RPS9: variants seen among roughly 807,000 people sequenced by gnomAD.
RPS9 encodes the protein small ribosomal subunit protein uS4.
In RPS9, 1 loss-of-function variant was observed where a neutral mutation model predicts 16.9. The ratio of observed to expected loss-of-function variants is 0.06; its 90% CI spans 0.02 to 0.28. The LOEUF (loss-of-function observed/expected upper bound fraction) is 0.28. Among genes scored for constraint, RPS9 ranks in the 10% least tolerant of loss-of-function variants. The pLI, the probability that RPS9 is intolerant of heterozygous loss-of-function variation, is 1.00. For synonymous variants in RPS9, 106 were observed against 110.9 expected (o/e 0.96, Z 0.28); for missense variants, 137 against 273.2 (o/e 0.50, Z 3.51).
rs1385939319 is a variant in RPS9 at position 54,207,475 on chromosome 19, G to A, written c.485G>A (p.Arg162His). The A allele has an allele frequency of 6.2e-6, 10 of 1,613,580 alleles. No homozygotes were observed. Among genetic ancestry groups the A allele is most frequent in the Non-Finnish European group, 8.5e-6 (10 of 1,180,016 alleles). ...CAGAAGCACATCGACTTCTCTCTGCGCTCTCCCTACGGGGGTGGCCGCCCG... is the reference window on the plus strand; with the variant it reads ...CAGAAGCACATCGACTTCTCTCTGCACTCTCCCTACGGGGGTGGCCGCCCG... ...DSQKHIDFSL[R>H]SPYGGGRPGR... Residue 162 changes from arginine (R) to histidine (H), a missense_variant, in exon 5 of 5, where the codon CGC becomes CAC. Physicochemically the swap from Arg to His is conservative, Grantham distance 29 (BLOSUM62 0). This residue lies in a region of RPS9 where 54 missense variants were observed against 90.9 expected (regional missense o/e 0.59). Transcript: ENST00000302907.
chr19:54,205,417 G>A (rs1220481939), intron 3 of RPS9, among the ~76,000 whole-genome samples: 2 of 151,302 alleles, frequency 1.3e-5, no homozygotes, highest in African/African-American at 4.9e-5. Context: ...ATATATTTTT[G>A]GTGGAAAATT....
chr19:54,206,501 G>GC (rs774834730), intron 4 of RPS9, 39 bp downstream of exon 4: 1 of 1,611,402 alleles, frequency 6.2e-7, no homozygotes, highest in South Asian at 1.1e-5. Context: ...TCCTCCACCT[G>GC]CCCCTCTGAT....
At position 54,200,873 on chromosome 19, in the gene RPS9, C is replaced by T. The variant is rs2077015951; in HGVS notation, c.-41C>T. Reference sequence around the variant, plus strand: ...GCTTCCGCGCCTCTTTCTCAGTGACCGGGTGGTTTGCTTAGGTGAGGTGCG... The same window carrying T: ...GCTTCCGCGCCTCTTTCTCAGTGACTGGGTGGTTTGCTTAGGTGAGGTGCG... On this transcript the variant is annotated 5_prime_UTR_variant, in exon 1 of 5. Coordinates refer to ENST00000302907, the MANE Select transcript of RPS9 (RefSeq NM_001013.4). 14 of 1,141,884 alleles carry T rather than the reference C, an allele frequency of 1.2e-5. No homozygotes were observed. The highest frequency in any genetic ancestry group is 2.4e-5 in the South Asian group (1 of 42,076). 70.7% of individuals were successfully genotyped at this position (1,141,884 alleles called of 1,614,324 possible). A position where few individuals can be genotyped will look rare whatever the true frequency, so the allele number is the denominator to read the frequency against.
intron 3 of RPS9, 165 bp downstream of exon 3, chr19:54,201,774 C>T: frequency 4.3e-6 from 6 of 1,392,382 alleles, no homozygotes; most frequent in South Asian, 1.5e-5. Flanking sequence ...GTATCTGGAT[C>T]AGTCTTTGCC....
intron 3 of RPS9, chr19:54,202,834 C>T: frequency 1.0e-6 from 1 of 985,406 alleles, no homozygotes; most frequent in Non-Finnish European, 1.2e-6. Context: ...TACAGATTAT[C>T]ACAGTTTGTC....
Position 54,201,144 on chromosome 19 carries a change from C to G in RPS9, c.-25-16C>G. 1 of 1,612,380 alleles carries G rather than the reference C, an allele frequency of 6.2e-7. No homozygotes were observed. The highest frequency in any genetic ancestry group is 8.5e-7 in the Non-Finnish European group (1 of 1,179,832). ...GCCGTTTGGATCCCTTACGCTCACA[C>G]TTCTCTCCCGCGCAGGCGCAGACGG... On this transcript the variant is annotated splice_polypyrimidine_tract_variant and intron_variant, in intron 1 of 4. Transcript: ENST00000302907.
chr19:54,207,338 G>A (rs907720054), intron 4 of RPS9, 60 bp from the exon 5 acceptor site: 40 of 1,429,764 alleles, frequency 2.8e-5, no homozygotes, highest in South Asian at 3.8e-5. Flanking sequence ...AGAGTGGTGC[G>A]GTAGCTGGGG....
chr19:54,202,769 G>A, intron 3 of RPS9: 5 of 985,442 alleles, frequency 5.1e-6, no homozygotes, highest in Non-Finnish European at 6.0e-6. Context: ...TGACTGTTAG[G>A]CATGAGAGTG....
chr19:54,206,007 G>A (rs987358830), intron 3 of RPS9, among the ~76,000 whole-genome samples: 6 of 152,160 alleles, frequency 3.9e-5, no homozygotes, highest in African/African-American at 1.2e-4. Context: ...TAGTGGAGAC[G>A]GGCTTTCGCC....
intron 3 of RPS9, chr19:54,201,869 C>T: frequency 1.7e-6 from 1 of 599,228 alleles, no homozygotes; most frequent in South Asian, 2.6e-5. Context: ...GCCTGGCACA[C>T]CTGGGCACCC....
rs115852588 is a variant in RPS9, at chr19:54,205,968, C to T, written c.221-308C>T. Reference sequence around the variant, plus strand: ...AATAGCTGGGATTACAGGCAGTGCGCCAACGGCCTGGCTAATTTTTCGTAA... The same window carrying T: ...AATAGCTGGGATTACAGGCAGTGCGTCAACGGCCTGGCTAATTTTTCGTAA... On this transcript the variant is annotated intron_variant, in intron 3 of 4. Coordinates refer to ENST00000302907, the MANE Select transcript of RPS9 (RefSeq NM_001013.4). 4.3e-3 allele frequency among the ~76,000 whole-genome samples: 654 copies of T among 152,322 alleles called. 6 individuals are homozygous for T. The highest frequency in any genetic ancestry group is 0.014 in the African/African-American group (569 of 41,554).
At chr19:54,201,754 T>G in intron 3 of RPS9, 145 bp downstream of exon 3, 1 of 1,453,424 alleles carries the variant, frequency 6.9e-7, no homozygotes, top group Admixed American at 2.6e-5. Context: ...ACTTGTGGAG[T>G]AGGAAAAGTG....
At chr19:54,202,725 T>TG in intron 3 of RPS9, 1 of 985,410 alleles carries the variant, frequency 1.0e-6, no homozygotes, top group Non-Finnish European at 1.2e-6. Context: ...GTAGTCATGA[T>TG]TTATGGTGAA....
chr19:54,206,277 C>T lies in RPS9; in HGVS notation c.222C>T (p.Gly74=). 6.2e-7 allele frequency: 1 copy of T among 1,612,010 alleles called. No individual in the cohort carries two copies. The highest frequency in any genetic ancestry group is 2.2e-5 in the East Asian group (1 of 44,814). ...DEKDPRRLFE[G]NALLRRLVRI... ...AGTGTTTCCTCCCACTCTTCCCAGG[C>T]AACGCCCTGCTGCGGCGGCTGGTCC... The change falls in exon 4 of 5, where the codon GGC becomes GGT. Residue 74 remains glycine, a splice_region_variant and synonymous_variant. Transcript: ENST00000302907.
intron 3 of RPS9, chr19:54,202,246 C>G (rs756753108): frequency 1.7e-5 from 3 of 174,960 alleles, no homozygotes; most frequent in Non-Finnish European, 3.4e-5. Flanking sequence ...GTGTAGTTGT[C>G]GCAATCTTGG....
chr19:54,203,264 A>C (rs1479227957), intron 3 of RPS9: 4 of 985,260 alleles, frequency 4.1e-6, no homozygotes, highest in Non-Finnish European at 4.8e-6. Context: ...CAAGGGGTAC[A>C]CAGTTGTTCA....
chr19:54,201,047 G>A (rs959399370), intron 1 of RPS9, 113 bp from the exon 2 acceptor site: 1 of 1,492,108 alleles, frequency 6.7e-7, no homozygotes, highest in South Asian at 1.3e-5. Context: ...CTATGAGAGC[G>A]TTGGAGGTTA....
chr19:54,207,255 G>T (rs1346652808), intron 4 of RPS9, 143 bp from the exon 5 acceptor site: 12 of 659,378 alleles, frequency 1.8e-5, no homozygotes, highest in African/African-American at 1.1e-4. Flanking sequence ...GCGCACGTAG[G>T]ATCAGGTGCA....
chr19:54,202,146 C>G (rs750567980), intron 3 of RPS9: 35 of 154,316 alleles, frequency 2.3e-4, no homozygotes, highest in Non-Finnish European at 4.0e-4. Context: ...CTTAGCCTCC[C>G]AAGTAGCTGG....
Sources: allele counts gnomAD v4.1 joint callset (sites outside exome capture counted in the v4.1 genomes callset), GRCh38; gene constraint gnomAD v4.1.1; regional missense constraint gnomAD v4.1.1; transcripts MANE v1.5; gene names NCBI Gene and HGNC (gene_info 2026-07-23, HGNC 2026-07-21).